The following ZNF407 variants were observed in gnomAD, a reference collection of about 807,000 sequenced individuals.
The protein encoded by ZNF407 is zinc finger protein 407.
A neutral mutation model predicts 131.2 loss-of-function variants in ZNF407; 17 were observed. The observed-to-expected ratio is 0.13, with a 90% CI of 0.09 to 0.19. The LOEUF (loss-of-function observed/expected upper bound fraction) is 0.19. ZNF407 is among the 10% of genes least tolerant of loss of function. The pLI, the probability that ZNF407 is intolerant of heterozygous loss-of-function variation, is 1.00. For missense variants in ZNF407, 2,681 were observed against 2,830.6 expected (o/e 0.95, Z 1.20); for synonymous variants, 1,156 against 1,062.0 (o/e 1.09, Z -1.72).
chr18:74,632,640 A>G lies in ZNF407; in HGVS notation c.1621A>G (p.Thr541Ala), dbSNP rs1409438409. The G allele has an allele frequency of 6.2e-7, 1 of 1,614,026 alleles. No individual in the cohort carries two copies. The highest frequency in any genetic ancestry group is 1.7e-5 in the Admixed American group (1 of 60,034). The change falls in exon 2 of 9, where the codon ACA becomes GCA. Residue 541 changes from threonine to alanine, a missense_variant. Coordinates refer to ENST00000299687, the MANE Select transcript of ZNF407 (RefSeq NM_017757.3). ...CTGTGGGCAAGTAGCTACAAATAGG[A>G]CAGATTTGGAAATCCATGTGAAAAG... ...TDCGQVATNR[T>A]DLEIHVKRCH...
intron 4 of ZNF407, among the ~76,000 whole-genome samples, chr18:74,864,562 T>A (rs1970983682): frequency 6.6e-6 from 1 of 152,242 alleles, no homozygotes; most frequent in South Asian, 2.1e-4. Context: ...AAAATTTAAT[T>A]ATGTAAAATT....
chr18:74,979,743 G>A (rs1414815187), intron 8 of ZNF407, among the ~76,000 whole-genome samples: 3 of 152,072 alleles, frequency 2.0e-5, no homozygotes, highest in Admixed American at 6.6e-5. Flanking sequence ...CTTAATAGTA[G>A]CCAGAGAAGT....
At chr18:74,749,821 T>C (rs1246831244) in intron 3 of ZNF407, among the ~76,000 whole-genome samples, 1 of 152,228 alleles carries the variant, frequency 6.6e-6, no homozygotes, top group Non-Finnish European at 1.5e-5. Context: ...ATAGAAAGCT[T>C]TGTATTCCAT....
intron 1 of ZNF407, among the ~76,000 whole-genome samples, chr18:74,618,204 A>G (rs1983394431): frequency 6.6e-6 from 1 of 151,502 alleles, no homozygotes; most frequent in Admixed American, 6.6e-5. Flanking sequence ...GCATTTCCCT[A>G]CTTTCTGCCG....
At chr18:74,598,521 C>T (rs2144595091) in intron 1 of ZNF407, 1 of 152,472 alleles carries the variant, frequency 6.6e-6, no homozygotes, top group South Asian at 2.1e-4. Context: ...GGACCGCCCG[C>T]CCACTCTCGT....
chr18:74,968,503 G>A (rs1972434446), intron 8 of ZNF407, among the ~76,000 whole-genome samples: 1 of 152,070 alleles, frequency 6.6e-6, no homozygotes, highest in African/African-American at 2.4e-5. Flanking sequence ...AAGCTTTTCT[G>A]GTTTTCCTTT....
intron 3 of ZNF407, among the ~76,000 whole-genome samples, chr18:74,747,891 G>T (rs921586775): frequency 2.0e-4 from 31 of 152,026 alleles, no homozygotes; most frequent in Non-Finnish European, 7.4e-5. Context: ...TTATATACAC[G>T]TATGTTTTTG....
At chr18:75,040,482 AT>A (rs1456352358) in intron 8 of ZNF407, among the ~76,000 whole-genome samples, 4 of 152,160 alleles carry the variant, frequency 2.6e-5, no homozygotes, top group Non-Finnish European at 5.9e-5. Flanking sequence ...ATACCTTTAT[AT>A]TCTTAATATC....
chr18:74,862,271 C>T (rs995615430), intron 4 of ZNF407, among the ~76,000 whole-genome samples: 4 of 152,194 alleles, frequency 2.6e-5, no homozygotes, highest in African/African-American at 9.7e-5. Flanking sequence ...ACAGAACACA[C>T]GCCAGAGCTC....
chr18:74,691,844 A>C (rs1967231180), intron 3 of ZNF407, among the ~76,000 whole-genome samples: 1 of 152,180 alleles, frequency 6.6e-6, no homozygotes, highest in African/African-American at 2.4e-5. Context: ...CTGTAATCCC[A>C]GCACTTTGGG....
chr18:75,055,901 G>T (rs1190099837), intron 8 of ZNF407, among the ~76,000 whole-genome samples: 1 of 152,176 alleles, frequency 6.6e-6, no homozygotes, highest in Non-Finnish European at 1.5e-5. Context: ...CAAAGAAATT[G>T]TGTATTTGAA....
intron 7 of ZNF407, among the ~76,000 whole-genome samples, chr18:74,915,499 C>T (rs1295486205): frequency 1.3e-4 from 3 of 22,506 alleles, no homozygotes; most frequent in Admixed American, 5.3e-4. Context: ...TGTGTGTGTT[C>T]ATGCATGTGT....
chr18:74,625,190 G>A (rs1307118725), intron 1 of ZNF407, among the ~76,000 whole-genome samples: 1 of 152,144 alleles, frequency 6.6e-6, no homozygotes, highest in East Asian at 1.9e-4. Context: ...AACAAATGTG[G>A]AAACTTTTTT....
At chr18:74,742,511 A>G (rs187802326) in intron 3 of ZNF407, among the ~76,000 whole-genome samples, 18 of 152,298 alleles carry the variant, frequency 1.2e-4, no homozygotes, top group Admixed American at 3.9e-4. Flanking sequence ...AGTTTGAATC[A>G]TGCTTTGTTC....
chr18:75,049,217 T>C (rs1973471365), intron 8 of ZNF407, among the ~76,000 whole-genome samples: 1 of 152,090 alleles, frequency 6.6e-6, no homozygotes, highest in South Asian at 2.1e-4. Context: ...AAAGTTCATG[T>C]TGTTTGCATT....
intron 4 of ZNF407, among the ~76,000 whole-genome samples, chr18:74,822,357 G>A (rs2145103976): frequency 6.6e-6 from 1 of 152,246 alleles, no homozygotes; most frequent in South Asian, 2.1e-4. Flanking sequence ...TGTCCTGAAT[G>A]GTACTGCCTA....
At chr18:74,887,369 G>C (rs1284509343) in intron 6 of ZNF407, among the ~76,000 whole-genome samples, 2 of 152,098 alleles carry the variant, frequency 1.3e-5, no homozygotes, top group East Asian at 1.9e-4. Context: ...GGGTACTATA[G>C]ATGGGATTTA....
intron 4 of ZNF407, among the ~76,000 whole-genome samples, chr18:74,857,672 TATC>T (rs777080140): frequency 4.6e-5 from 7 of 152,214 alleles, no homozygotes; most frequent in Non-Finnish European, 1.0e-4. Context: ...CTTATAGTAA[TATC>T]ATAGTTTGTA....
chr18:74,917,746 A>G (rs778844603), intron 7 of ZNF407, among the ~76,000 whole-genome samples: 1 of 152,234 alleles, frequency 6.6e-6, no homozygotes, highest in Non-Finnish European at 1.5e-5. Context: ...TTAAATATGC[A>G]TCATACATTG....
Sources: gnomAD v4.1 joint callset for allele counts (sites outside exome capture counted in the v4.1 genomes callset) on GRCh38, gnomAD v4.1.1 for gene constraint, MANE v1.5 for transcripts, NCBI Gene and HGNC (gene_info 2026-07-23, HGNC 2026-07-21) for gene names.